Variants in SATL1 observed in about 807,000 individuals in gnomAD.
SATL1 encodes spermidine/spermine N(1)-acetyltransferase-like protein 1.
SATL1 carries 47 observed loss-of-function variants against 51.8 expected under a neutral mutation model. The ratio of observed to expected loss-of-function variants is 0.91; its 90% CI spans 0.72 to 1.16. The LOEUF is 1.16. Ranked by LOEUF, SATL1 falls within the 50% of genes most tolerant of loss-of-function variation. The pLI is 0.00. For missense variants in SATL1, 520 were observed against 526.4 expected (o/e 0.99, Z 0.12); for synonymous variants, 176 against 182.4 (o/e 0.97, Z 0.28).
chrX:85,201,888 A>G (rs1225808417), intron 2 of SATL1, among the ~76,000 whole-genome samples: 2 of 112,114 alleles, frequency 1.8e-5, no homozygotes, highest in African/African-American at 6.5e-5. Context: ...GGTTGATTCC[A>G]TGTCTTCGCT....
rs758346915 is a variant in SATL1 at position 85,107,933 on chromosome X, T to C, written c.1036A>G (p.Ile346Val). 4 of 1,211,222 alleles carry C rather than the reference T, an allele frequency of 3.3e-6. No individual in the cohort carries two copies. The South Asian group carries it at 7.0e-5, about 21-fold the overall frequency. Residue 346 changes from isoleucine (I) to valine (V), a missense_variant, in exon 3 of 8, where the codon ATA becomes GTA. Physicochemically the swap from Ile to Val is conservative, Grantham distance 29. Coordinates refer to ENST00000644105, the MANE Select transcript of SATL1 (RefSeq NM_001367857.2). ...CGTTGCGGTGGACCTGGTTGGCTTA[T>C]GCTTGCTTCACTCAGGACTAGTTCG... ...LSELVLSEAS[I>V]SQPGPPQRAP...
intron 2 of SATL1, chrX:85,143,333 T>C (rs1926152785): frequency 1.8e-5 from 2 of 111,377 alleles, no homozygotes; most frequent in South Asian, 7.6e-4. Context: ...ATCTCCTATA[T>C]AAACCATTCA....
intron 2 of SATL1, among the ~76,000 whole-genome samples, chrX:85,148,915 C>T (rs1351222180): frequency 9.1e-6 from 1 of 110,439 alleles, no homozygotes; most frequent in Non-Finnish European, 1.9e-5. Flanking sequence ...AACTAACGAG[C>T]AAAATAACCA....
chrX:85,234,713 C>CA (rs1465692878), intron 1 of SATL1, among the ~76,000 whole-genome samples: 9 of 107,842 alleles, frequency 8.3e-5, no homozygotes, highest in African/African-American at 2.9e-4. Flanking sequence ...TACAGATTTA[C>CA]AAAAAATAAA....
At chrX:85,095,825 CAAAAAAAAA>C (rs144271899) in intron 4 of SATL1, among the ~76,000 whole-genome samples, 1 of 32,731 alleles carries the variant, frequency 3.1e-5, no homozygotes, top group Non-Finnish European at 4.8e-5. Flanking sequence ...GACTCCGTCT[CAAAAAAAAA>C]AAAAAAAAAA....
intron 2 of SATL1, among the ~76,000 whole-genome samples, chrX:85,148,841 G>C (rs1362986051): frequency 9.0e-6 from 1 of 111,318 alleles, no homozygotes; most frequent in Admixed American, 9.6e-5. Context: ...GGAACAACTG[G>C]TACCAGCCAC....
At chrX:85,185,426 C>T (rs1389050218) in intron 2 of SATL1, among the ~76,000 whole-genome samples, 1 of 112,458 alleles carries the variant, frequency 8.9e-6, no homozygotes, top group African/African-American at 3.2e-5. Context: ...GTGAGTTCTC[C>T]CTGGCCCCTG....
intron 2 of SATL1, among the ~76,000 whole-genome samples, chrX:85,126,876 A>G (rs900068862): frequency 2.8e-5 from 3 of 106,938 alleles, no homozygotes; most frequent in Non-Finnish European, 5.8e-5. Flanking sequence ...ATTTTGGGTA[A>G]GCTGATATAT....
chrX:85,094,555 G>A (rs1292883093), intron 5 of SATL1, among the ~76,000 whole-genome samples: 2 of 110,803 alleles, frequency 1.8e-5, no homozygotes, highest in African/African-American at 6.6e-5. Flanking sequence ...ACCAGTCTGG[G>A]CAACATAGTG....
intron 2 of SATL1, chrX:85,210,397 T>G (rs1303304881): frequency 1.7e-5 from 1 of 59,176 alleles, no homozygotes; most frequent in Non-Finnish European, 3.2e-5. Context: ...TCCAAACTGG[T>G]AAAAAAAAAA....
intron 2 of SATL1, among the ~76,000 whole-genome samples, chrX:85,182,838 T>A (rs1368147932): frequency 1.8e-5 from 2 of 111,799 alleles, no homozygotes; most frequent in Non-Finnish European, 3.8e-5. Context: ...TGATGATTAG[T>A]GATGTTGAGC....
intron 2 of SATL1, among the ~76,000 whole-genome samples, chrX:85,196,797 A>G (rs1927572245): frequency 8.9e-6 from 1 of 111,803 alleles, no homozygotes; most frequent in Non-Finnish European, 1.9e-5. Flanking sequence ...TCCATATACA[A>G]AATAATGAAA....
At chrX:85,132,663 A>C (rs979169817) in intron 2 of SATL1, among the ~76,000 whole-genome samples, 2 of 111,827 alleles carry the variant, frequency 1.8e-5, no homozygotes, top group African/African-American at 6.5e-5. Context: ...CAACTTGTCA[A>C]AGTCATTCTC....
chrX:85,141,422 C>T (rs987387395), intron 2 of SATL1, among the ~76,000 whole-genome samples: 6 of 111,992 alleles, frequency 5.4e-5, no homozygotes, highest in African/African-American at 1.9e-4. Flanking sequence ...ATATTAACTA[C>T]ACCCATAGTA....
intron 2 of SATL1, among the ~76,000 whole-genome samples, chrX:85,124,351 C>T (rs1925571635): frequency 8.9e-6 from 1 of 111,862 alleles, no homozygotes; most frequent in African/African-American, 3.2e-5. Context: ...TCTGGCATTG[C>T]TGTTTAATAA....
At chrX:85,101,837 G>A (rs1924900315) in intron 4 of SATL1, among the ~76,000 whole-genome samples, 1 of 110,638 alleles carries the variant, frequency 9.0e-6, no homozygotes, top group Non-Finnish European at 1.9e-5. Flanking sequence ...ATGTTATTCA[G>A]CTTTGAAAAG....
At chrX:85,189,976 T>C (rs909003445) in intron 2 of SATL1, among the ~76,000 whole-genome samples, 1 of 112,366 alleles carries the variant, frequency 8.9e-6, no homozygotes, top group Non-Finnish European at 1.9e-5. Context: ...CATTAATTCA[T>C]GCTTAAACAT....
intron 2 of SATL1, among the ~76,000 whole-genome samples, chrX:85,213,831 T>C (rs981304502): frequency 3.6e-5 from 4 of 111,402 alleles, no homozygotes; most frequent in African/African-American, 1.3e-4. Context: ...TCATGAGACA[T>C]GTAAAATCAT....
At chrX:85,107,148 T>C (rs1925065329) in intron 3 of SATL1, among the ~76,000 whole-genome samples, 180 bp downstream of exon 3, 1 of 111,782 alleles carries the variant, frequency 8.9e-6, no homozygotes, top group South Asian at 3.7e-4. Flanking sequence ...TCTTTTGAGA[T>C]ATATATTGTT....
Sources: allele counts gnomAD v4.1 joint callset (sites outside exome capture counted in the v4.1 genomes callset), GRCh38; gene constraint gnomAD v4.1.1; transcripts MANE v1.5; gene names NCBI Gene and HGNC (gene_info 2026-07-23, HGNC 2026-07-21).